Variants in NFX1 observed in about 807,000 individuals in gnomAD.
The protein encoded by NFX1 is transcriptional repressor NF-X1.
In NFX1, 69 loss-of-function variants were observed where a neutral mutation model predicts 137.2. That is an observed-to-expected ratio of 0.50 (90% CI 0.41 to 0.61). The LOEUF is 0.61. Among genes scored for constraint, NFX1 ranks in the 20% least tolerant of loss-of-function variants. The pLI, the probability that NFX1 is intolerant of heterozygous loss-of-function variation, is 0.00. For missense variants in NFX1, 1,167 were observed against 1,391.0 expected (o/e 0.84, Z 2.56); for synonymous variants, 495 against 474.1 (o/e 1.04, Z -0.57).
At chr9:33,308,671 A>G (rs565477239) in intron 5 of NFX1, among the ~76,000 whole-genome samples, 7 of 152,364 alleles carry the variant, frequency 4.6e-5, no homozygotes, top group Admixed American at 1.3e-4. Context: ...GATAGTAATA[A>G]TAACACTTAT....
intron 4 of NFX1, 60 bp downstream of exon 4, chr9:33,303,328 G>A (rs41274033): frequency 0.072 from 103,495 of 1,442,428 alleles, 4,126 homozygotes; most frequent in Middle Eastern, 0.1. Flanking sequence ...CTCAGTTCAG[G>A]AAAGGTGGTC....
chr9:33,333,881 A>G (rs1253092931), intron 11 of NFX1, among the ~76,000 whole-genome samples: 1 of 152,270 alleles, frequency 6.6e-6, no homozygotes, highest in Admixed American at 6.5e-5. Context: ...CTGGTGGCTC[A>G]TGCCTGTAAT....
intron 1 of NFX1, among the ~76,000 whole-genome samples, chr9:33,292,760 C>T (rs775996622): frequency 2.6e-5 from 4 of 152,146 alleles, no homozygotes; most frequent in Non-Finnish European, 5.9e-5. Context: ...TACTGCTTAA[C>T]GAGAAACACT....
At chr9:33,342,070 C>G (rs992051181) in intron 12 of NFX1, among the ~76,000 whole-genome samples, 54 of 150,758 alleles carry the variant, frequency 3.6e-4, no homozygotes, top group African/African-American at 1.2e-3. Flanking sequence ...GAGCCAAGAT[C>G]GCACCACCAC....
At chr9:33,356,532 T>G (rs188881387) in intron 19 of NFX1, among the ~76,000 whole-genome samples, 136 of 152,314 alleles carry the variant, frequency 8.9e-4, no homozygotes, top group Admixed American at 2.1e-3. Flanking sequence ...TTATTTGAGT[T>G]TCTTAATAAG....
rs1160009042 is a variant in NFX1 at position 33,351,677 on chromosome 9, G to A, written c.2542G>A (p.Val848Met). Residue 848 changes from valine (V) to methionine (M), a missense_variant, in exon 16 of 24, where the codon GTG becomes ATG. Physicochemically the swap from Val to Met is conservative, Grantham distance 21 (BLOSUM62 1). Transcript: ENST00000379540. ...ACTCTGTCACAAAGGGGAGTGTCTTGTGGATGAGCCCTGCAAGCAGCCCTG... is the reference window on the plus strand; with the variant it reads ...ACTCTGTCACAAAGGGGAGTGTCTTATGGATGAGCCCTGCAAGCAGCCCTG... ...QRLCHKGECL[V>M]DEPCKQPCTT... The A allele has an allele frequency of 2.5e-6, 4 of 1,614,040 alleles. No homozygotes were observed. The highest frequency in any genetic ancestry group is 1.7e-5 in the Admixed American group (1 of 59,996).
intron 1 of NFX1, among the ~76,000 whole-genome samples, chr9:33,294,198 TC>T (rs1821261874): frequency 6.6e-6 from 1 of 152,244 alleles, no homozygotes; most frequent in African/African-American, 2.4e-5. Context: ...CACTTAGCTG[TC>T]ATTGGCTATT....
chr9:33,292,804 T>A (rs706124), intron 1 of NFX1, among the ~76,000 whole-genome samples: 1 of 152,234 alleles, frequency 6.6e-6, no homozygotes, highest in Non-Finnish European at 1.5e-5. Context: ...TCTCTAGACA[T>A]CTTTACTGAT....
At chr9:33,340,055 G>A (rs1445443821) in intron 12 of NFX1, among the ~76,000 whole-genome samples, 3 of 152,216 alleles carry the variant, frequency 2.0e-5, no homozygotes, top group Non-Finnish European at 4.4e-5. Flanking sequence ...GGGTCTGGAG[G>A]ACAGTGGCCT....
intron 4 of NFX1, among the ~76,000 whole-genome samples, chr9:33,306,220 G>A (rs1382734919): frequency 2.0e-5 from 3 of 152,208 alleles, no homozygotes; most frequent in African/African-American, 7.2e-5. Flanking sequence ...TAAGTAGAAA[G>A]AGGTGTCAGA....
intron 12 of NFX1, among the ~76,000 whole-genome samples, chr9:33,340,192 C>T (rs905188015): frequency 6.6e-6 from 1 of 152,272 alleles, no homozygotes; most frequent in Admixed American, 6.5e-5. Flanking sequence ...CAGCAAACTT[C>T]TGCCTGGACA....
intron 16 of NFX1, 106 bp downstream of exon 16, chr9:33,351,896 C>T: frequency 1.0e-6 from 1 of 983,388 alleles, no homozygotes; most frequent in Non-Finnish European, 1.4e-6. Flanking sequence ...AATTAAGGGT[C>T]ATTGGTTGCA....
At position 33,294,977 on chromosome 9, in the gene NFX1, C is replaced by G. The variant is rs745893542; in HGVS notation, c.583C>G (p.Arg195Gly). The change falls in exon 2 of 24, where the codon CGA becomes GGA. Residue 195 changes from arginine to glycine, a missense_variant. By Grantham distance (125) the Arg-to-Gly change is moderately radical (BLOSUM62 -2). Coordinates refer to ENST00000379540, the MANE Select transcript of NFX1 (RefSeq NM_002504.6). ...KGKLKCEWSN[R>G]TTPKPEDAGP... ...GAAACTCAAATGTGAATGGAGTAAC[C>G]GAACAACTCCAAAACCGGAGGATGC... 1.2e-6 allele frequency: 2 copies of G among 1,614,074 alleles called. No individual in the cohort carries two copies. The highest frequency in any genetic ancestry group is 1.1e-5 in the South Asian group (1 of 91,080).
intron 11 of NFX1, among the ~76,000 whole-genome samples, chr9:33,333,000 T>C (rs537313079): frequency 3.3e-5 from 5 of 152,290 alleles, no homozygotes; most frequent in African/African-American, 9.6e-5. Flanking sequence ...TGTCCACCAC[T>C]ACACCTGGCT....
chr9:33,320,894 C>T (rs1300253690), intron 9 of NFX1, among the ~76,000 whole-genome samples: 3 of 152,038 alleles, frequency 2.0e-5, no homozygotes, highest in African/African-American at 7.2e-5. Context: ...GTGGGAACAC[C>T]CTACTTAATC....
At chr9:33,343,636 T>C (rs1263156715) in intron 13 of NFX1, among the ~76,000 whole-genome samples, 1 of 152,210 alleles carries the variant, frequency 6.6e-6, no homozygotes, top group East Asian at 1.9e-4. Flanking sequence ...CAAAAATTTA[T>C]TGGACTTTCT....
At chr9:33,362,582 A>G (rs919184149) in intron 19 of NFX1, among the ~76,000 whole-genome samples, 3 of 152,058 alleles carry the variant, frequency 2.0e-5, no homozygotes, top group African/African-American at 7.2e-5. Flanking sequence ...AGCAGAGAGT[A>G]GACCAGTGTT....
intron 12 of NFX1, among the ~76,000 whole-genome samples, chr9:33,341,226 C>G (rs1467746696): frequency 2.6e-5 from 4 of 152,050 alleles, no homozygotes; most frequent in Non-Finnish European, 5.9e-5. Flanking sequence ...TGGTGGGAGG[C>G]AAGGAGGAGC....
intron 12 of NFX1, 86 bp downstream of exon 12, chr9:33,338,675 C>T (rs941352474): frequency 1.9e-5 from 24 of 1,235,018 alleles, no homozygotes; most frequent in South Asian, 1.5e-4. Context: ...GAATGCAGCC[C>T]GGATTTAAAA....
Sources: gnomAD v4.1 joint callset for allele counts (sites outside exome capture counted in the v4.1 genomes callset) on GRCh38, gnomAD v4.1.1 for gene constraint, MANE v1.5 for transcripts, NCBI Gene and HGNC (gene_info 2026-07-23, HGNC 2026-07-21) for gene names.